Variants in CTNNA2 observed in about 807,000 individuals in gnomAD.
The protein encoded by CTNNA2 is catenin alpha-2.
In CTNNA2, 42 loss-of-function variants were observed where a neutral mutation model predicts 101.0. The observed-to-expected ratio is 0.42, with a 90% CI of 0.32 to 0.54. The LOEUF (loss-of-function observed/expected upper bound fraction) is 0.54, where lower values mean the gene tolerates loss of function less well. Among genes scored for constraint, CTNNA2 ranks in the 20% least tolerant of loss-of-function variants. The pLI, the probability that CTNNA2 is intolerant of heterozygous loss-of-function variation, is 0.14. For missense variants in CTNNA2, 871 were observed against 1,223.1 expected, an observed-to-expected ratio of 0.71 and a Z score of 4.29; for synonymous variants, 450 against 456.4, an observed-to-expected ratio of 0.99 and a Z score of 0.18.
intron 7 of CTNNA2, among the ~76,000 whole-genome samples, chr2:80,330,097 T>C (rs1671187355): frequency 2.0e-5 from 3 of 152,236 alleles, no homozygotes; most frequent in Non-Finnish European, 2.9e-5. Context: ...TCTTCATTTG[T>C]TTGGATTTTC....
intron 1 of CTNNA2, chr2:79,547,674 A>G (rs1673824094): frequency 6.6e-6 from 1 of 152,170 alleles, no homozygotes; most frequent in Non-Finnish European, 1.5e-5. Flanking sequence ...GTAATGCATA[A>G]TGAGGTGAGT....
At chr2:79,902,899 A>T (rs12992230) in intron 6 of CTNNA2, among the ~76,000 whole-genome samples, 7,978 of 152,194 alleles carry the variant, frequency 0.052, 273 homozygotes, top group African/African-American at 0.08. Context: ...TGCTGGGATT[A>T]CGGGCATGAG....
intron 7 of CTNNA2, among the ~76,000 whole-genome samples, chr2:80,147,496 T>C (rs957694709): frequency 6.6e-6 from 1 of 152,118 alleles, no homozygotes; most frequent in Non-Finnish European, 1.5e-5. Flanking sequence ...GGCACCAAGA[T>C]TAGAAGAAAA....
chr2:80,160,198 G>GT (rs1349346428), intron 7 of CTNNA2, among the ~76,000 whole-genome samples: 1 of 152,160 alleles, frequency 6.6e-6, no homozygotes, highest in Non-Finnish European at 1.5e-5. Flanking sequence ...CTTGATTGCT[G>GT]TAACTATAAA....
intron 7 of CTNNA2, among the ~76,000 whole-genome samples, chr2:80,364,779 A>G (rs2149322895): frequency 6.6e-6 from 1 of 152,222 alleles, no homozygotes; most frequent in African/African-American, 2.4e-5. Flanking sequence ...TAAGCCTTTT[A>G]TAATCACCTC....
intron 7 of CTNNA2, among the ~76,000 whole-genome samples, chr2:79,925,273 T>A (rs897259188): frequency 6.6e-6 from 1 of 152,142 alleles, no homozygotes; most frequent in African/African-American, 2.4e-5. Context: ...TCCTTAGAAC[T>A]TTTATTAGGT....
chr2:80,334,917 C>A (rs1671641576), intron 7 of CTNNA2, among the ~76,000 whole-genome samples: 1 of 152,182 alleles, frequency 6.6e-6, no homozygotes, highest in Non-Finnish European at 1.5e-5. Context: ...AGGCAAGGAC[C>A]AGATTTGTCT....
chr2:79,460,446 A>G (rs1046466856), intron 4 of CTNNA2, among the ~76,000 whole-genome samples: 4 of 152,228 alleles, frequency 2.6e-5, no homozygotes, highest in South Asian at 2.1e-4. Context: ...AGCTCTTTTT[A>G]TATATTTCTC....
intron 7 of CTNNA2, among the ~76,000 whole-genome samples, chr2:80,009,806 T>C (rs1283285096): frequency 6.6e-6 from 1 of 151,656 alleles, no homozygotes; most frequent in Admixed American, 6.6e-5. Context: ...TCATCTAAGA[T>C]TATTTACAGT....
At chr2:80,077,823 C>T (rs190062167) in intron 7 of CTNNA2, among the ~76,000 whole-genome samples, 3 of 152,244 alleles carry the variant, frequency 2.0e-5, no homozygotes, top group Admixed American at 2.0e-4. Context: ...AGAGAGGGCA[C>T]AGGGAGCTTC....
intron 2 of CTNNA2, among the ~76,000 whole-genome samples, chr2:79,707,754 A>G (rs1328145069): frequency 1.3e-5 from 2 of 152,118 alleles, no homozygotes. Flanking sequence ...CACCACACCC[A>G]TCCTGATAAC....
intron 1 of CTNNA2, among the ~76,000 whole-genome samples, chr2:79,185,903 GTGTA>G (rs1266924419): frequency 6.6e-6 from 1 of 152,168 alleles, no homozygotes; most frequent in Non-Finnish European, 1.5e-5. Flanking sequence ...ACAGAAGTAT[GTGTA>G]TAAATCAACA....
At chr2:80,228,749 A>G (rs1573454163) in intron 7 of CTNNA2, among the ~76,000 whole-genome samples, 1 of 152,184 alleles carries the variant, frequency 6.6e-6, no homozygotes, top group Admixed American at 6.5e-5. Context: ...AAAGAAGCAC[A>G]TAAGACAAAA....
chr2:79,287,271 C>T (rs1190596819), intron 2 of CTNNA2, among the ~76,000 whole-genome samples: 7 of 152,214 alleles, frequency 4.6e-5, no homozygotes, highest in East Asian at 1.9e-4. Context: ...AGTCATTCTC[C>T]GTCCAGCTTT....
intron 4 of CTNNA2, among the ~76,000 whole-genome samples, chr2:79,415,389 T>G (rs901287328): frequency 6.6e-6 from 1 of 152,154 alleles, no homozygotes; most frequent in African/African-American, 2.4e-5. Flanking sequence ...ATGAGCCAAT[T>G]AAACCTCTTT....
intron 15 of CTNNA2, among the ~76,000 whole-genome samples, chr2:80,590,895 A>G (rs1696430268): frequency 6.6e-6 from 1 of 152,178 alleles, no homozygotes; most frequent in South Asian, 2.1e-4. Flanking sequence ...TGAAACTTCT[A>G]CAAATCAGAC....
intron 3 of CTNNA2, among the ~76,000 whole-genome samples, chr2:79,333,820 A>G (rs1163365227): frequency 6.6e-6 from 1 of 152,188 alleles, no homozygotes; most frequent in Non-Finnish European, 1.5e-5. Context: ...ATTAAAAATG[A>G]ACTATGGGCA....
intron 7 of CTNNA2, among the ~76,000 whole-genome samples, chr2:80,047,478 A>C (rs570735958): frequency 6.6e-5 from 10 of 152,156 alleles, no homozygotes; most frequent in Non-Finnish European, 1.3e-4. Flanking sequence ...ATGATTCCTT[A>C]GGGGGTTAGG....
At chr2:80,590,906 G>A (rs892014711) in intron 15 of CTNNA2, among the ~76,000 whole-genome samples, 7 of 152,166 alleles carry the variant, frequency 4.6e-5, no homozygotes, top group Non-Finnish European at 8.8e-5. Context: ...CAAATCAGAC[G>A]ATTATGGCAG....
Sources: allele counts gnomAD v4.1 joint callset (sites outside exome capture counted in the v4.1 genomes callset), GRCh38; gene constraint gnomAD v4.1.1; transcripts MANE v1.5; gene names NCBI Gene and HGNC (gene_info 2026-07-23, HGNC 2026-07-21).